The following MITF variants were observed in gnomAD, a reference collection of about 807,000 sequenced individuals.
MITF encodes microphthalmia-associated transcription factor.
MITF carries 17 observed loss-of-function variants against 60.5 expected under a neutral mutation model. That is an observed-to-expected ratio of 0.28 (90% CI 0.19 to 0.42). The LOEUF is 0.42. MITF is among the 10% of genes least tolerant of loss of function. The pLI, the probability that MITF is intolerant of heterozygous loss-of-function variation, is 1.00. For synonymous variants in MITF, 260 were observed against 248.5 expected (o/e 1.05, Z -0.43); for missense variants, 622 against 683.5 (o/e 0.91, Z 1.00).
intron 1 of MITF, 69 bp downstream of exon 1, chr3:69,739,770 G>A (rs1703455972): frequency 8.4e-7 from 1 of 1,188,958 alleles, no homozygotes; most frequent in Non-Finnish European, 1.2e-6. Context: ...ACTCTGGGGC[G>A]AGGAGAGCGG....
chr3:69,913,821 C>G lies in MITF; in HGVS notation c.355-24001C>G, dbSNP rs932366378. Among the ~76,000 whole-genome samples, 9 of 152,198 alleles carry G rather than the reference C, an allele frequency of 5.9e-5. 2 individuals carry two copies. In the South Asian group the frequency reaches 1.5e-3, roughly 25 times the overall value. ...TGGTGGTGATGCCTACTCAACCTTC[C>G]CATATTCAAGATGATATAAAGCTGT... On this transcript the variant is annotated intron_variant, in intron 2 of 9. Coordinates refer to ENST00000352241, the MANE Select transcript of MITF (RefSeq NM_001354604.2).
intron 2 of MITF, among the ~76,000 whole-genome samples, chr3:69,883,524 A>T (rs182606841): frequency 6.6e-6 from 1 of 152,124 alleles, no homozygotes; most frequent in Non-Finnish European, 1.5e-5. Context: ...TCAAGGTGTG[A>T]TTTATTTTTT....
chr3:69,865,881 C>A (rs1320886075), intron 1 of MITF, among the ~76,000 whole-genome samples: 1 of 152,144 alleles, frequency 6.6e-6, no homozygotes, highest in South Asian at 2.1e-4. Flanking sequence ...TCTGTGACTC[C>A]AGTAAGTGTT....
chr3:69,780,525 T>C (rs2106873237), intron 1 of MITF, among the ~76,000 whole-genome samples: 1 of 152,360 alleles, frequency 6.6e-6, no homozygotes, highest in Admixed American at 6.5e-5. Context: ...CACATAGTTC[T>C]GATAATTGAC....
chr3:69,773,443 T>C (rs1559621373), intron 1 of MITF, among the ~76,000 whole-genome samples: 1 of 152,226 alleles, frequency 6.6e-6, no homozygotes, highest in Non-Finnish European at 1.5e-5. Context: ...AACAGGGGTC[T>C]GTGAATTTGG....
At position 69,966,963 on chromosome 3, in the gene MITF, T is replaced by G. The variant is rs2066704341; in HGVS notation, c.*1715T>G. The G allele has an allele frequency of 4.3e-6, 1 of 232,246 alleles. No homozygotes were observed. The allele number at this position is 232,246 out of a possible 1,614,324, so 14.4% of individuals were successfully genotyped here. ...GTGCCTATGTAGACAATATAAGAGC[T>G]TCCAATTTTCCTTCAGATATTTTTA... On this transcript the variant is annotated 3_prime_UTR_variant, in exon 10 of 10. Coordinates refer to ENST00000352241, the MANE Select transcript of MITF (RefSeq NM_001354604.2).
At chr3:69,924,120 T>A (rs575984964) in intron 2 of MITF, among the ~76,000 whole-genome samples, 1 of 152,208 alleles carries the variant, frequency 6.6e-6, no homozygotes, top group Non-Finnish European at 1.5e-5. Flanking sequence ...ACAAGTTTTT[T>A]AAAAAATGTT....
intron 1 of MITF, among the ~76,000 whole-genome samples, chr3:69,814,336 A>G (rs540630413): frequency 1.3e-5 from 2 of 151,888 alleles, no homozygotes; most frequent in East Asian, 1.9e-4. Flanking sequence ...CTCCCATTCT[A>G]TATATTTTTG....
intron 4 of MITF, 96 bp downstream of exon 4, chr3:69,939,277 T>A: frequency 8.9e-7 from 1 of 1,129,100 alleles, no homozygotes; most frequent in Non-Finnish European, 1.3e-6. Flanking sequence ...AGCATTTTTT[T>A]CCCCCATTGT....
chr3:69,939,137 G>A lies in MITF; in HGVS notation c.622G>A (p.Glu208Lys), dbSNP rs768503905. Reference sequence around the variant, plus strand: ...TGAAGAGCAAAACAGGGCAGAGAGCGAGTGCCCAGGCATGAACACACATTC... The same window carrying A: ...TGAAGAGCAAAACAGGGCAGAGAGCAAGTGCCCAGGCATGAACACACATTC... Reference protein sequence around the residue: ...KFEEQNRAESECPGMNTHSRA... With the variant: ...KFEEQNRAESKCPGMNTHSRA... Residue 208 changes from glutamate (E) to lysine (K), a missense_variant, in exon 4 of 10, where the codon GAG becomes AAG. Transcript: ENST00000352241. The A allele has an allele frequency of 6.6e-5, 107 of 1,613,960 alleles. No individual in the cohort carries two copies. Among genetic ancestry groups the A allele is most frequent in the Non-Finnish European group, 8.1e-5 (95 of 1,180,008 alleles).
At chr3:69,936,904 G>T in intron 2 of MITF, 35 of 533,690 alleles carry the variant, frequency 6.6e-5, no homozygotes, top group East Asian at 2.9e-4. Flanking sequence ...GCCATAAGAA[G>T]TAATTCAATG....
At position 69,967,669 on chromosome 3, in the gene MITF, A is replaced by G. The variant is rs780286017; in HGVS notation, c.*2421A>G. The G allele has an allele frequency of 4.3e-6, 1 of 233,154 alleles. No homozygotes were observed. Among genetic ancestry groups the G allele is most frequent in the East Asian group, 6.0e-5 (1 of 16,570 alleles). The allele number at this position is 233,154 out of a possible 1,614,324, so 14.4% of individuals were successfully genotyped here. A position where few individuals can be genotyped will look rare whatever the true frequency, so the allele number is the denominator to read the frequency against. ...TTAAGAGACAATTTCTGCAGGTGGC[A>G]GGTGAGCAAGCCCAGGAGAATGCTG... On this transcript the variant is annotated 3_prime_UTR_variant, in exon 10 of 10. Transcript: ENST00000352241.
At chr3:69,784,289 T>A (rs1387551923) in intron 1 of MITF, among the ~76,000 whole-genome samples, 1 of 152,140 alleles carries the variant, frequency 6.6e-6, no homozygotes, top group African/African-American at 2.4e-5. Context: ...TGCTAGTGGG[T>A]GTTGTAATCA....
rs939578649 is a variant in MITF at position 69,805,765 on chromosome 3, C to A, written c.104+66064C>A. On this transcript the variant is annotated intron_variant, in intron 1 of 9. Coordinates refer to ENST00000352241, the MANE Select transcript of MITF (RefSeq NM_001354604.2). The stretch of plus-strand genomic sequence containing the variant: ...CCTCCAACCCCTGGCCTCAAGCAAT[C>A]CTCCTGCCTCAGCCTACCAAATAGC... 2.6e-5 allele frequency among the ~76,000 whole-genome samples: 4 copies of A among 151,752 alleles called. No homozygotes were observed. In the South Asian group the frequency reaches 8.3e-4, roughly 32 times the overall value.
chr3:69,790,148 C>CT (rs2062717389), intron 1 of MITF, among the ~76,000 whole-genome samples: 2 of 151,960 alleles, frequency 1.3e-5, no homozygotes, highest in African/African-American at 4.8e-5. Context: ...ATCTTTAGGA[C>CT]ATTATAGTAA....
In MITF at chr3:69,887,739, C is replaced by A. The variant is rs774018287; in HGVS notation, c.354+8356C>A. On this transcript the variant is annotated intron_variant, in intron 2 of 9. Transcript: ENST00000352241. The stretch of plus-strand genomic sequence containing the variant: ...TATAGGTGAATCTATACCATTGTTT[C>A]TACCAGCTGTCTCTGGAGTGAGTAT... 3.9e-5 allele frequency among the ~76,000 whole-genome samples: 6 copies of A among 152,146 alleles called. No individual in the cohort carries two copies. The East Asian group carries it at 1.2e-3, about 29-fold the overall frequency.
chr3:69,930,301 G>A (rs907214882), intron 2 of MITF, among the ~76,000 whole-genome samples: 1 of 152,142 alleles, frequency 6.6e-6, no homozygotes, highest in Non-Finnish European at 1.5e-5. Flanking sequence ...ACATTTAGAG[G>A]GGAGAAGAGG....
intron 1 of MITF, among the ~76,000 whole-genome samples, chr3:69,848,829 C>G (rs934995852): frequency 3.9e-5 from 6 of 152,074 alleles, no homozygotes; most frequent in African/African-American, 1.4e-4. Flanking sequence ...AATTTTCCCC[C>G]CTTCTCTAGA....
chr3:69,803,118 A>T (rs2062949689), intron 1 of MITF, among the ~76,000 whole-genome samples: 2 of 152,128 alleles, frequency 1.3e-5, no homozygotes, highest in Admixed American at 1.3e-4. Context: ...TGCCAGCCAA[A>T]CCTTACTGAG....
Sources: gnomAD v4.1 joint callset for allele counts (sites outside exome capture counted in the v4.1 genomes callset) on GRCh38, gnomAD v4.1.1 for gene constraint, MANE v1.5 for transcripts, NCBI Gene and HGNC (gene_info 2026-07-23, HGNC 2026-07-21) for gene names.